Variants in CEP170B observed in about 807,000 individuals in gnomAD.
CEP170B encodes centrosomal protein of 170 kDa protein B.
Under a neutral mutation model 120.6 loss-of-function variants are expected in CEP170B, and 55 were observed. The ratio of observed to expected loss-of-function variants is 0.46; its 90% CI spans 0.37 to 0.57. CEP170B has a LOEUF of 0.57. Ranked by LOEUF, CEP170B falls within the 20% of genes least tolerant of loss-of-function variation. The probability of loss-of-function intolerance (pLI) is 0.00; values close to 1 mark genes in which losing one functional copy is unlikely to be tolerated. For synonymous variants in CEP170B, 1,033 were observed against 954.5 expected, an observed-to-expected ratio of 1.08 and a Z score of -1.52; for missense variants, 2,212 against 2,253.3, an observed-to-expected ratio of 0.98 and a Z score of 0.37.
intron 2 of CEP170B, among the ~76,000 whole-genome samples, chr14:104,872,012 C>T (rs541865226): frequency 3.7e-4 from 56 of 152,222 alleles, no homozygotes; most frequent in Non-Finnish European, 7.1e-4. Flanking sequence ...GAGCTGGTGC[C>T]CAGCGAACAG....
At chr14:104,890,044 A>G (rs183457569) in intron 13 of CEP170B, among the ~76,000 whole-genome samples, 12,122 of 19,068 alleles carry the variant, frequency 0.64, 4,244 homozygotes, top group Middle Eastern at 0.94. Context: ...GCAGGTGGGC[A>G]GGTAGATGGA....
chr14:104,882,663 A>G, intron 6 of CEP170B, 65 bp from the exon 7 acceptor site: 2 of 1,334,720 alleles, frequency 1.5e-6, no homozygotes, highest in Non-Finnish European at 2.1e-6. Flanking sequence ...CTGGGCTGCC[A>G]GTTCTCTGCT....
In CEP170B at chr14:104,867,982, G is replaced by T. The variant is rs944109415; in HGVS notation, c.-27-442G>T. 1.6e-4 allele frequency among the ~76,000 whole-genome samples: 25 copies of T among 152,058 alleles called. No individual in the cohort carries two copies. Among genetic ancestry groups the T allele is most frequent in the Admixed American group, 1.2e-3 (18 of 15,278 alleles). ...TCCTCTTGTTCAGTGTATGTCTTGG[G>T]GTGGGTCTGGTGCTGTGGACCTGGC... On this transcript the variant is annotated intron_variant, in intron 1 of 18. Coordinates refer to ENST00000414716, the MANE Select transcript of CEP170B (RefSeq NM_001112726.3). This position sits in a 1 kb window ranked among gnomAD's most constrained non-coding sequence, Gnocchi z 5.4.
Position 104,886,696 on chromosome 14 carries a change from G to C in CEP170B, c.2457G>C (p.Gly819=). The C allele has an allele frequency of 6.4e-7, 1 of 1,563,662 alleles. No homozygotes were observed. Among genetic ancestry groups the C allele is most frequent in the Non-Finnish European group, 8.7e-7 (1 of 1,155,474 alleles). ...AACCGCTTGCGGCTCCAGGGGATGGGGAGGGCCTAGGGCAGACAGCCCAGC... is the reference window on the plus strand; with the variant it reads ...AACCGCTTGCGGCTCCAGGGGATGGCGAGGGCCTAGGGCAGACAGCCCAGC... ...SRKPLAAPGD[G]EGLGQTAQPS... is the part of the protein sequence containing the mutation. Residue 819 remains glycine (G), a synonymous_variant, in exon 12 of 19, where the codon GGG becomes GGC. Coordinates refer to ENST00000414716, the MANE Select transcript of CEP170B (RefSeq NM_001112726.3).
rs1446369285 is a variant in CEP170B, at chr14:104,887,031, A to G, written c.2792A>G (p.Asn931Ser). The G allele has an allele frequency of 6.2e-7, 1 of 1,611,034 alleles. No individual in the cohort carries two copies. Among genetic ancestry groups the G allele is most frequent in the African/African-American group, 1.3e-5 (1 of 74,918 alleles). ...GCCCTGGAGGCCCGACTCCTCTCTA[A>G]TTCTGTGGATGCCGAGTGTGAGGGG... The part of the protein sequence containing the change: ...LAALEARLLS[N>S]SVDAECEGGS... The change falls in exon 12 of 19, where the codon AAT becomes AGT. Residue 931 changes from asparagine (N) to serine (S), a missense_variant. By Grantham distance (46) the Asn-to-Ser change is conservative. Transcript: ENST00000414716.
chr14:104,890,637 GAT>G, intron 13 of CEP170B, among the ~76,000 whole-genome samples: 1 of 133,084 alleles, frequency 7.5e-6, no homozygotes, highest in Non-Finnish European at 1.7e-5. Flanking sequence ...TGGGTGGGTG[GAT>G]GGATGGATGG....
intron 2 of CEP170B, among the ~76,000 whole-genome samples, chr14:104,872,436 C>T (rs1161616369): frequency 3.7e-5 from 3 of 81,564 alleles, no homozygotes; most frequent in African/African-American, 5.1e-5. Flanking sequence ...TGCGTGTGTG[C>T]GTGTGTGTGC....
Position 104,876,426 on chromosome 14 carries a change from C to T in CEP170B, c.195+81C>T. On this transcript the variant is annotated intron_variant, in intron 3 of 18. Transcript: ENST00000414716. ...CCCCTCCCTCTCAGTTCTGGCTCCT[C>T]CCCCAGTCATAGCCCCTCCCTCTCA... 3.0e-6 allele frequency: 4 copies of T among 1,331,610 alleles called. No homozygotes were observed. In the South Asian group the frequency reaches 3.8e-5, roughly 13 times the overall value. The allele number at this position is 1,331,610 out of a possible 1,614,324, so 82.5% of individuals were successfully genotyped here.
chr14:104,889,152 G>T (rs1328130147), intron 12 of CEP170B, among the ~76,000 whole-genome samples: 1 of 152,212 alleles, frequency 6.6e-6, no homozygotes, highest in Non-Finnish European at 1.5e-5. Flanking sequence ...TCCAGCCTGG[G>T]CCGCAGCAGG....
chr14:104,883,932 C>G lies in CEP170B; in HGVS notation c.1153C>G (p.Arg385Gly), dbSNP rs747034190. The change falls in exon 9 of 19, where the codon CGG (arginine) becomes GGG (glycine). Residue 385 changes from arginine to glycine, a missense_variant. Physicochemically the swap from Arg to Gly is moderately radical, Grantham distance 125. Around this residue, in one of 2 missense-constraint regions of CEP170B, gnomAD observed 2,166 missense variants for 2,166.7 expected, o/e 1.00. Coordinates refer to ENST00000414716, the MANE Select transcript of CEP170B (RefSeq NM_001112726.3). Reference protein sequence around the residue: ...VPLEASGEQVRLQRQIKRDPQ... With the variant: ...VPLEASGEQVGLQRQIKRDPQ... ...CTTGGAGGCCAGCGGGGAGCAGGTG[C>G]GGCTGCAGAGGCAGATCAAGCGGGA... is the stretch of plus-strand genomic sequence containing the variant. 6.2e-7 allele frequency: 1 copy of G among 1,600,746 alleles called. No individual in the cohort carries two copies. The highest frequency in any genetic ancestry group is 1.7e-5 in the Admixed American group (1 of 58,222).
rs1391551266 is a variant in CEP170B, at chr14:104,868,409, T to C, written c.-27-15T>C. ...AGGCCAGGGAGCCCCACTCTAACAA[T>C]CCCCTCTTCCCCAGGGCCAGACGGG... is the stretch of plus-strand genomic sequence containing the variant. On this transcript the variant is annotated splice_polypyrimidine_tract_variant and intron_variant, in intron 1 of 18. Coordinates refer to ENST00000414716, the MANE Select transcript of CEP170B (RefSeq NM_001112726.3). This position sits in a 1 kb window ranked among gnomAD's most constrained non-coding sequence, Gnocchi z 5.9. The C allele has an allele frequency of 4.6e-6, 7 of 1,527,234 alleles. No individual in the cohort carries two copies. The highest frequency in any genetic ancestry group is 6.2e-6 in the Non-Finnish European group (7 of 1,129,788). The allele number at this position is 1,527,234 out of a possible 1,614,324, so 94.6% of individuals were successfully genotyped here.
chr14:104,864,867 G>A (rs1895107112), upstream of CEP170B, among the ~76,000 whole-genome samples: 1 of 152,182 alleles, frequency 6.6e-6, no homozygotes, highest in Admixed American at 6.5e-5. The surrounding 1 kb of genome is among the most constrained non-coding windows in gnomAD (Gnocchi z 5.9). Context: ...CTGGAGCGTA[G>A]TTAAGCGTTA....
rs940368320 is a variant in CEP170B, at chr14:104,867,855, A to G, written c.-27-569A>G. On this transcript the variant is annotated intron_variant, in intron 1 of 18. Coordinates refer to ENST00000414716, the MANE Select transcript of CEP170B (RefSeq NM_001112726.3). This position sits in a 1 kb window ranked among gnomAD's most constrained non-coding sequence, Gnocchi z 5.4. ...TTGGCCTCCTCTCGGTGGTGGACAT[A>G]TTGCTGACTCAGGGCCCCTGTCTCC... Among the ~76,000 whole-genome samples the G allele has an allele frequency of 6.6e-6, 1 of 151,220 alleles. No individual in the cohort carries two copies. The highest frequency in any genetic ancestry group is 2.4e-5 in the African/African-American group (1 of 41,202).
chr14:104,887,972 A>C lies in CEP170B; in HGVS notation c.3733A>C (p.Thr1245Pro), dbSNP rs1430954114. The C allele has an allele frequency of 2.1e-5, 31 of 1,495,990 alleles. No homozygotes were observed. The highest frequency in any genetic ancestry group is 2.7e-5 in the Non-Finnish European group (30 of 1,122,196). The allele number at this position is 1,495,990 out of a possible 1,614,324, so 92.7% of individuals were successfully genotyped here. ...SRARSGSARY[T>P]STTQTPRAGS... ...GGCCCGCTCAGGCAGTGCCCGATAC[A>C]CCTCCAGTGAGTGCCAGGGCGGGTG... The change falls in exon 12 of 19, where the codon ACC becomes CCC. Residue 1245 changes from threonine (T) to proline (P), a missense_variant. Thr to Pro is a conservative substitution (Grantham distance 38). Around this residue, in one of 2 missense-constraint regions of CEP170B, gnomAD observed 2,166 missense variants for 2,166.7 expected, o/e 1.00. Transcript: ENST00000414716.
intron 12 of CEP170B, among the ~76,000 whole-genome samples, chr14:104,888,354 CCCTAGGCCTGGGGA>C (rs1245215954): frequency 6.6e-6 from 1 of 152,230 alleles, no homozygotes; most frequent in African/African-American, 2.4e-5. Flanking sequence ...GGGCCTGAGG[CCCTAGGCCTGGGGA>C]GGGCTGTCCC....
chr14:104,873,129 C>T (rs1021466776), intron 2 of CEP170B, among the ~76,000 whole-genome samples: 1 of 152,112 alleles, frequency 6.6e-6, no homozygotes, highest in Non-Finnish European at 1.5e-5. Context: ...CCAGCGCTTC[C>T]TGCAGTCTGG....
At chr14:104,890,195 T>G (rs184571245) in intron 13 of CEP170B, among the ~76,000 whole-genome samples, 1 of 61,178 alleles carries the variant, frequency 1.6e-5, no homozygotes, top group Non-Finnish European at 3.2e-5. Flanking sequence ...GATGGGTGGG[T>G]AGGTGGGTGG....
chr14:104,876,546 C>A (rs907692834), intron 3 of CEP170B, among the ~76,000 whole-genome samples: 2 of 151,768 alleles, frequency 1.3e-5, no homozygotes, highest in Non-Finnish European at 2.9e-5. Context: ...GCTCCTCCCC[C>A]AGCCCTGGCC....
rs1368337015 is a variant in CEP170B, at chr14:104,895,932, G to GGAA, written c.*974_*975insGAA. 2 of 153,118 alleles carry GGAA rather than the reference G, an allele frequency of 1.3e-5. No homozygotes were observed. Among genetic ancestry groups the GGAA allele is most frequent in the Non-Finnish European group, 1.5e-5 (1 of 68,552 alleles). 9.5% of individuals were successfully genotyped at this position (153,118 alleles called of 1,614,324 possible). A position where few individuals can be genotyped will look rare whatever the true frequency, so the allele number is the denominator to read the frequency against. ...CATCAGGCCTCAAGTGGGCATGGGG[G>GGAA]CAGGGACGGGCCCAGGAACTGTTGT... On this transcript the variant is annotated 3_prime_UTR_variant, in exon 19 of 19. Transcript: ENST00000414716.
Sources: allele counts gnomAD v4.1 joint callset (sites outside exome capture counted in the v4.1 genomes callset), GRCh38; gene constraint gnomAD v4.1.1; regional missense constraint gnomAD v4.1.1; non-coding constraint Gnocchi (gnomAD v3.1); transcripts MANE v1.5; gene names NCBI Gene and HGNC (gene_info 2026-07-23, HGNC 2026-07-21).